TPTE2: variants seen among roughly 807,000 people sequenced by gnomAD.
The protein encoded by TPTE2 is phosphatidylinositol 3,4,5-trisphosphate 3-phosphatase TPTE2.
In TPTE2, 53 loss-of-function variants were observed where a neutral mutation model predicts 78.6. The observed-to-expected ratio is 0.67, with a 90% CI of 0.54 to 0.85. TPTE2 has a LOEUF of 0.85. Among genes scored for constraint, TPTE2 ranks in the 40% least tolerant of loss-of-function variants. TPTE2 has a pLI of 0.00. For missense variants in TPTE2, 461 were observed against 623.0 expected, an observed-to-expected ratio of 0.74 and a Z score of 2.77; for synonymous variants, 175 against 206.2, an observed-to-expected ratio of 0.85 and a Z score of 1.30.
chr13:19,430,848 C>T (rs1027360713), intron 16 of TPTE2, among the ~76,000 whole-genome samples: 6 of 152,030 alleles, frequency 3.9e-5, no homozygotes, highest in African/African-American at 7.2e-5. Context: ...GAAGCTAGGC[C>T]GGGCATGGTG....
intron 1 of TPTE2, among the ~76,000 whole-genome samples, chr13:19,523,539 G>C (rs549373742): frequency 3.3e-5 from 5 of 151,892 alleles, no homozygotes; most frequent in African/African-American, 1.2e-4. Flanking sequence ...GCAGTGGTGC[G>C]ATCTTGGCTC....
At chr13:19,546,931 A>G in the TPTE2 span, among the ~76,000 whole-genome samples, 4 of 152,250 alleles carry the variant, frequency 2.6e-5, no homozygotes, top group Non-Finnish European at 5.9e-5. Flanking sequence ...GAAATTATCA[A>G]ATAAAACAAG....
chr13:19,452,058 G>GA (rs1239702805), intron 10 of TPTE2, among the ~76,000 whole-genome samples: 1 of 151,950 alleles, frequency 6.6e-6, no homozygotes, highest in Non-Finnish European at 1.5e-5. Flanking sequence ...TTAATATTGA[G>GA]AAAAATAAAA....
chr13:19,507,130 G>A (rs1174355657), upstream of TPTE2, among the ~76,000 whole-genome samples: 1 of 152,022 alleles, frequency 6.6e-6, no homozygotes, highest in African/African-American at 2.4e-5. Flanking sequence ...ATAGGCTAGT[G>A]ATATCATTTC....
At chr13:19,458,683 A>T in intron 10 of TPTE2, 1 of 491,770 alleles carries the variant, frequency 2.0e-6, no homozygotes, top group Non-Finnish European at 4.1e-6. Flanking sequence ...CACACTTCTG[A>T]ACAAAAATTT....
At chr13:19,443,097 T>C (rs190344963) in intron 13 of TPTE2, among the ~76,000 whole-genome samples, 1 of 152,034 alleles carries the variant, frequency 6.6e-6, no homozygotes, top group Non-Finnish European at 1.5e-5. Flanking sequence ...ATTGCCCAGA[T>C]GACATGAATT....
intron 1 of TPTE2, among the ~76,000 whole-genome samples, chr13:19,499,092 G>A (rs1881584007): frequency 6.6e-6 from 1 of 152,060 alleles, no homozygotes; most frequent in Non-Finnish European, 1.5e-5. Context: ...TCAACAAGAA[G>A]AGCTAACTAT....
intron 3 of TPTE2, among the ~76,000 whole-genome samples, chr13:19,489,887 T>A (rs1416464357): frequency 2.0e-5 from 3 of 152,204 alleles, no homozygotes; most frequent in Admixed American, 6.5e-5. Context: ...AGACTACTGA[T>A]GTCATTTTAT....
At chr13:19,431,159 A>G (rs1198602401) in intron 16 of TPTE2, among the ~76,000 whole-genome samples, 2 of 151,992 alleles carry the variant, frequency 1.3e-5, no homozygotes, top group Non-Finnish European at 2.9e-5. Context: ...AAAAGAAAAA[A>G]AATTCAGGAA....
chr13:19,506,547 G>C (rs565297449), upstream of TPTE2, among the ~76,000 whole-genome samples: 39 of 152,152 alleles, frequency 2.6e-4, no homozygotes, highest in Non-Finnish European at 4.0e-4. Context: ...ATTGGCTGTG[G>C]GCTGAGGAAT....
chr13:19,541,995 ATT>A, the TPTE2 span, among the ~76,000 whole-genome samples: 1 of 152,148 alleles, frequency 6.6e-6, no homozygotes, highest in Non-Finnish European at 1.5e-5. Context: ...TACCAATCAA[ATT>A]TCTTTAATGA....
chr13:19,479,344 A>G (rs1436516261), intron 4 of TPTE2, among the ~76,000 whole-genome samples: 1 of 152,008 alleles, frequency 6.6e-6, no homozygotes, highest in Non-Finnish European at 1.5e-5. Flanking sequence ...ACATCTCGAT[A>G]TTGATGGAAA....
the TPTE2 span, among the ~76,000 whole-genome samples, chr13:19,548,396 C>T: frequency 1.3e-5 from 2 of 148,356 alleles, no homozygotes. Context: ...TAATTTTCTC[C>T]ACACTATACT....
At chr13:19,453,280 C>T (rs1249808336) in intron 10 of TPTE2, among the ~76,000 whole-genome samples, 1 of 151,780 alleles carries the variant, frequency 6.6e-6, no homozygotes, top group African/African-American at 2.4e-5. Context: ...CCACCCTCCT[C>T]GGCCTCCCAA....
chr13:19,518,440 G>A (rs1186353822), intron 1 of TPTE2, among the ~76,000 whole-genome samples: 2 of 152,024 alleles, frequency 1.3e-5, no homozygotes, highest in Non-Finnish European at 2.9e-5. Context: ...TAAAAAATGG[G>A]CAAAATATGT....
At chr13:19,467,694 C>T (rs1593375589) in intron 6 of TPTE2, among the ~76,000 whole-genome samples, 1 of 152,148 alleles carries the variant, frequency 6.6e-6, no homozygotes, top group Admixed American at 6.6e-5. Context: ...AATCCAATTA[C>T]ACTCTTTCAG....
At chr13:19,541,780 T>C in the TPTE2 span, among the ~76,000 whole-genome samples, 1 of 152,250 alleles carries the variant, frequency 6.6e-6, no homozygotes, top group African/African-American at 2.4e-5. Flanking sequence ...TAATGATTTC[T>C]AGTCATTGCT....
At chr13:19,522,152 G>C (rs1296419105) in intron 1 of TPTE2, among the ~76,000 whole-genome samples, 1 of 152,170 alleles carries the variant, frequency 6.6e-6, no homozygotes, top group Non-Finnish European at 1.5e-5. Flanking sequence ...TAGACCCTTA[G>C]TAGCCATCTT....
intron 1 of TPTE2, among the ~76,000 whole-genome samples, chr13:19,525,172 C>T (rs1024978696): frequency 1.1e-4 from 17 of 152,084 alleles, no homozygotes; most frequent in South Asian, 6.2e-4. Flanking sequence ...AGAGGAGAGA[C>T]AGATTTGAGA....
Sources: allele counts gnomAD v4.1 joint callset (sites outside exome capture counted in the v4.1 genomes callset), GRCh38; gene constraint gnomAD v4.1.1; transcripts MANE v1.5; gene names NCBI Gene and HGNC (gene_info 2026-07-23, HGNC 2026-07-21).